The following CACNA1C variants were observed in gnomAD, a reference collection of about 807,000 sequenced individuals.
CACNA1C encodes calcium voltage-gated channel subunit alpha1 C.
Under a neutral mutation model 229.0 loss-of-function variants are expected in CACNA1C, and 30 were observed. That is an observed-to-expected ratio of 0.13 (90% CI 0.10 to 0.18). The LOEUF is 0.18. Ranked by LOEUF, CACNA1C falls within the 10% of genes least tolerant of loss-of-function variation. The pLI is 1.00. For missense variants in CACNA1C, 1,658 were observed against 2,845.0 expected (o/e 0.58, Z 9.49); for synonymous variants, 1,114 against 1,132.5 (o/e 0.98, Z 0.33).
chr12:2,256,177 A>T (rs1284777532), intron 3 of CACNA1C, among the ~76,000 whole-genome samples: 1 of 152,152 alleles, frequency 6.6e-6, no homozygotes, highest in Non-Finnish European at 1.5e-5. Context: ...CTTACACTGG[A>T]GCTACTAGAT....
intron 3 of CACNA1C, among the ~76,000 whole-genome samples, chr12:2,384,495 T>C (rs1240646467): frequency 6.6e-6 from 1 of 152,216 alleles, no homozygotes; most frequent in Non-Finnish European, 1.5e-5. Flanking sequence ...GTCTCCTTTT[T>C]TTCTTTCTAA....
At chr12:2,623,323 G>C (rs962420830) in intron 29 of CACNA1C, among the ~76,000 whole-genome samples, 1 of 151,934 alleles carries the variant, frequency 6.6e-6, no homozygotes, top group Admixed American at 6.5e-5. Context: ...TCGTGGTTCT[G>C]CTTGGTCCTG....
At chr12:2,198,730 C>G (rs954448642) in intron 3 of CACNA1C, among the ~76,000 whole-genome samples, 2 of 152,054 alleles carry the variant, frequency 1.3e-5, no homozygotes, top group Admixed American at 6.5e-5. Flanking sequence ...AGGAAGGGAA[C>G]GGGCAAGGAA....
intron 30 of CACNA1C, among the ~76,000 whole-genome samples, chr12:2,643,703 G>A (rs547247602): frequency 7.8e-4 from 119 of 152,202 alleles, no homozygotes; most frequent in African/African-American, 2.3e-3. Flanking sequence ...TAAAAGGATC[G>A]TGAGGATCCC....
At chr12:2,248,895 C>G (rs983283993) in intron 3 of CACNA1C, among the ~76,000 whole-genome samples, 1 of 152,128 alleles carries the variant, frequency 6.6e-6, no homozygotes, top group Non-Finnish European at 1.5e-5. Flanking sequence ...ATGAGCATCA[C>G]GATAGTCCTG....
intron 3 of CACNA1C, among the ~76,000 whole-genome samples, chr12:2,361,142 G>T (rs1321625106): frequency 6.6e-6 from 1 of 151,046 alleles, no homozygotes; most frequent in African/African-American, 2.4e-5. Flanking sequence ...CTTGTTTCTT[G>T]CTGAATTCCA....
At position 2,152,663 on chromosome 12, in the gene CACNA1C, A is replaced by G. The variant is rs577142666; in HGVS notation, c.477+32233A>G. 6.6e-6 allele frequency among the ~76,000 whole-genome samples: 1 copy of G among 152,348 alleles called. No homozygotes were observed. Among genetic ancestry groups the G allele is most frequent in the Non-Finnish European group, 1.5e-5 (1 of 68,026 alleles). On this transcript the variant is annotated intron_variant, in intron 3 of 46. Coordinates refer to ENST00000399655, the MANE Select transcript of CACNA1C (RefSeq NM_000719.7). This position sits in a 1 kb window ranked among gnomAD's most constrained non-coding sequence, Gnocchi z 4.2. ...TATACCCTACTTATTGGGAACTTTGATTTTGGAAGGCAAAGAAATTTAAAA... is the reference window on the plus strand; with the variant it reads ...TATACCCTACTTATTGGGAACTTTGGTTTTGGAAGGCAAAGAAATTTAAAA...
chr12:2,242,367 T>C (rs1322964035), intron 3 of CACNA1C, among the ~76,000 whole-genome samples: 1 of 152,162 alleles, frequency 6.6e-6, no homozygotes, highest in African/African-American at 2.4e-5. Flanking sequence ...GCCTCCGTGC[T>C]GGAGGAACAA....
chr12:2,525,390 C>T (rs1431886036), intron 9 of CACNA1C, among the ~76,000 whole-genome samples: 3 of 152,132 alleles, frequency 2.0e-5, no homozygotes, highest in Non-Finnish European at 4.4e-5. Flanking sequence ...GAACACCTAT[C>T]CTGGAGGCTC....
At position 2,034,745 on chromosome 12, in the gene CACNA1C, T is replaced by A. The variant is rs2048797947; in HGVS notation, c.139+63544T>A. Among the ~76,000 whole-genome samples the A allele has an allele frequency of 1.3e-5, 2 of 152,126 alleles. No individual in the cohort carries two copies. The highest frequency in any genetic ancestry group is 4.1e-4 in the South Asian group (2 of 4,820). ...CTTCTTCAAAAAACACCTTTCGGAGTGCCTCCTTCGTGCCAGGCTCTGCAG... is the reference window on the plus strand; with the variant it reads ...CTTCTTCAAAAAACACCTTTCGGAGAGCCTCCTTCGTGCCAGGCTCTGCAG... On this transcript the variant is annotated intron_variant, in intron 1 of 46. Transcript: ENST00000682462. The surrounding 1 kb of genome is among the most constrained non-coding windows in gnomAD (Gnocchi z 4.1).
At chr12:2,261,717 G>A (rs536035773) in intron 3 of CACNA1C, among the ~76,000 whole-genome samples, 2 of 152,190 alleles carry the variant, frequency 1.3e-5, no homozygotes, top group African/African-American at 4.8e-5. Flanking sequence ...TACATATATG[G>A]GCCAAGCTCT....
At chr12:2,234,975 G>T (rs780369666) in intron 3 of CACNA1C, among the ~76,000 whole-genome samples, 8 of 152,142 alleles carry the variant, frequency 5.3e-5, no homozygotes, top group Non-Finnish European at 1.2e-4. Context: ...CACAAAGGTG[G>T]CTTCTGGATA....
intron 3 of CACNA1C, among the ~76,000 whole-genome samples, chr12:2,205,756 G>A (rs2097738223): frequency 6.6e-6 from 1 of 152,182 alleles, no homozygotes. Flanking sequence ...GGACTACAAA[G>A]ACGGAAATGT....
chr12:2,009,457 TAC>T (rs1388751104), intron 1 of CACNA1C, among the ~76,000 whole-genome samples: 3 of 152,326 alleles, frequency 2.0e-5, no homozygotes, highest in East Asian at 3.9e-4. Flanking sequence ...AAAACACAAA[TAC>T]ACAGTCTGCT....
chr12:2,245,350 G>A (rs958982495), intron 3 of CACNA1C, among the ~76,000 whole-genome samples: 30 of 152,236 alleles, frequency 2.0e-4, no homozygotes, highest in African/African-American at 6.5e-4. Context: ...TTAGCCACCC[G>A]GGTTTAAATT....
chr12:2,089,530 C>T lies in CACNA1C; in HGVS notation c.50-25694C>T, dbSNP rs143917218. Among the ~76,000 whole-genome samples, 532 of 152,254 alleles carry T rather than the reference C, an allele frequency of 3.5e-3. 3 individuals carry two copies. The highest frequency in any genetic ancestry group is 6.8e-3 in the Middle Eastern group (2 of 294). ...GGTTGTGATGAACATGGCAACAGAGCGTGGTGACAGGATGCCATAAGAATC... is the reference window on the plus strand; with the variant it reads ...GGTTGTGATGAACATGGCAACAGAGTGTGGTGACAGGATGCCATAAGAATC... On this transcript the variant is annotated intron_variant, in intron 1 of 46. Transcript: ENST00000399655.
intron 1 of CACNA1C, among the ~76,000 whole-genome samples, chr12:2,063,754 T>C (rs986835417): frequency 6.6e-6 from 1 of 152,256 alleles, no homozygotes; most frequent in Non-Finnish European, 1.5e-5. Context: ...AGTATTTCAT[T>C]GAAAGCACAC....
In CACNA1C at chr12:2,486,694, G is replaced by A. The variant is rs894613649; in HGVS notation, c.916+432G>A. On this transcript the variant is annotated intron_variant, in intron 6 of 46. Transcript: ENST00000399655. This position sits in a 1 kb window ranked among gnomAD's most constrained non-coding sequence, Gnocchi z 4.9. ...GGGGCCGCTTAGCCCTGAGCAACAGGTTCTCCCAGCACCACTCTAAGATTT... is the reference window on the plus strand; with the variant it reads ...GGGGCCGCTTAGCCCTGAGCAACAGATTCTCCCAGCACCACTCTAAGATTT... Among the ~76,000 whole-genome samples, 4 of 152,124 alleles carry A rather than the reference G, an allele frequency of 2.6e-5. No individual in the cohort carries two copies. Among genetic ancestry groups the A allele is most frequent in the African/African-American group, 9.7e-5 (4 of 41,418 alleles).
chr12:2,355,604 C>G (rs139925572), intron 3 of CACNA1C, among the ~76,000 whole-genome samples: 1,537 of 152,334 alleles, frequency 0.01, 24 homozygotes, highest in African/African-American at 0.035. Context: ...TAAGACTGCC[C>G]TGGTCACCTG....
Sources: gnomAD v4.1 joint callset for allele counts (sites outside exome capture counted in the v4.1 genomes callset) on GRCh38, gnomAD v4.1.1 for gene constraint, Gnocchi (gnomAD v3.1) non-coding constraint, MANE v1.5 for transcripts, NCBI Gene and HGNC (gene_info 2026-07-23, HGNC 2026-07-21) for gene names.